Variants in ZNF532 observed in about 807,000 individuals in gnomAD.
The protein encoded by ZNF532 is zinc finger protein 532.
ZNF532 carries 22 observed loss-of-function variants against 89.3 expected under a neutral mutation model. The observed-to-expected ratio is 0.25, with a 90% CI of 0.18 to 0.35. The LOEUF is 0.35. Ranked by LOEUF, ZNF532 falls within the 10% of genes least tolerant of loss-of-function variation. The probability of loss-of-function intolerance (pLI) is 1.00; values close to 1 mark genes in which losing one functional copy is unlikely to be tolerated. For missense variants in ZNF532, 1,132 were observed against 1,643.4 expected, an observed-to-expected ratio of 0.69 and a Z score of 5.38; for synonymous variants, 606 against 649.6, an observed-to-expected ratio of 0.93 and a Z score of 1.02.
intron 5 of ZNF532, 146 bp downstream of exon 5, chr18:58,939,767 C>G (rs1038923199): frequency 1.3e-5 from 8 of 612,998 alleles, no homozygotes; most frequent in South Asian, 6.5e-5. Flanking sequence ...AAATACAGCT[C>G]ATAGCTCATC....
chr18:58,901,251 A>G (rs960099511), intron 2 of ZNF532, among the ~76,000 whole-genome samples: 3 of 151,952 alleles, frequency 2.0e-5, no homozygotes, highest in Non-Finnish European at 4.4e-5. Context: ...CTTGGCTTCT[A>G]GCACTTTTCT....
chr18:58,945,981 G>A (rs1469082885), intron 5 of ZNF532, among the ~76,000 whole-genome samples: 2 of 151,940 alleles, frequency 1.3e-5, no homozygotes, highest in African/African-American at 2.4e-5. Flanking sequence ...CGCCTGCCTC[G>A]GCCTCCCAAA....
At chr18:58,944,979 G>T (rs372380015) in intron 5 of ZNF532, among the ~76,000 whole-genome samples, 1 of 152,088 alleles carries the variant, frequency 6.6e-6, no homozygotes, top group African/African-American at 2.4e-5. Flanking sequence ...AGTAACCTCC[G>T]TGCAGCCCCC....
intron 2 of ZNF532, among the ~76,000 whole-genome samples, chr18:58,913,584 T>G (rs1382200167): frequency 2.6e-5 from 4 of 151,046 alleles, no homozygotes; most frequent in Non-Finnish European, 5.9e-5. Flanking sequence ...GACCCCATCC[T>G]AAAAGAAAGG....
At chr18:58,961,501 G>A (rs139068534) in intron 7 of ZNF532, among the ~76,000 whole-genome samples, 9 of 152,240 alleles carry the variant, frequency 5.9e-5, no homozygotes, top group East Asian at 5.8e-4. Flanking sequence ...TTACACGCTC[G>A]TTATTCTGGA....
At position 58,946,853 on chromosome 18, in the gene ZNF532, C is replaced by CG. The variant is rs552344513; in HGVS notation, c.2706-1210dup. On this transcript the variant is annotated intron_variant, in intron 5 of 9. Coordinates refer to ENST00000591808, the MANE Select transcript of ZNF532 (RefSeq NM_001375912.1). ...AATCCAGTTAAACTTATAAATCTTA[C>CG]GGGGAAAAAGAGAAAAAAGTTACAT... is the stretch of plus-strand genomic sequence containing the variant. Among the ~76,000 whole-genome samples the CG allele has an allele frequency of 2.2e-4, 34 of 151,956 alleles. No individual in the cohort carries two copies. In the South Asian group the frequency reaches 5.2e-3, roughly 23 times the overall value.
intron 4 of ZNF532, among the ~76,000 whole-genome samples, chr18:58,937,064 C>A (rs1218667343): frequency 1.3e-5 from 2 of 152,040 alleles, no homozygotes; most frequent in African/African-American, 4.8e-5. Context: ...TGATAAAAGT[C>A]AAATATTTTT....
At chr18:58,896,330 A>T (rs1429106746) in intron 2 of ZNF532, 1 of 152,108 alleles carries the variant, frequency 6.6e-6, no homozygotes, top group Non-Finnish European at 1.5e-5. Flanking sequence ...CTTCAAAAAA[A>T]GCTCTGAACC....
intron 5 of ZNF532, among the ~76,000 whole-genome samples, chr18:58,941,806 CT>C (rs904772582): frequency 2.3e-4 from 35 of 151,352 alleles, no homozygotes; most frequent in Middle Eastern, 3.4e-3. Flanking sequence ...TTTCTCTTTT[CT>C]TTGTTTCTTT....
intron 9 of ZNF532, among the ~76,000 whole-genome samples, chr18:58,983,097 G>A (rs118044704): frequency 0.03 from 4,496 of 152,238 alleles, 105 homozygotes; most frequent in Non-Finnish European, 0.045. Flanking sequence ...GGGCAATAGC[G>A]CGAGACTCCG....
intron 2 of ZNF532, among the ~76,000 whole-genome samples, chr18:58,891,203 G>A (rs892915589): frequency 6.6e-6 from 1 of 151,998 alleles, no homozygotes; most frequent in Admixed American, 6.5e-5. Flanking sequence ...ACAGGCATGA[G>A]CCACTGCGCC....
intron 9 of ZNF532, among the ~76,000 whole-genome samples, chr18:58,983,060 C>T (rs895871362): frequency 5.9e-5 from 9 of 152,098 alleles, no homozygotes; most frequent in African/African-American, 1.2e-4. Flanking sequence ...TGTAGTGAGC[C>T]GAGATCATGC....
chr18:58,971,877 C>G (rs1343026578), intron 7 of ZNF532, among the ~76,000 whole-genome samples: 1 of 152,202 alleles, frequency 6.6e-6, no homozygotes, highest in Non-Finnish European at 1.5e-5. Context: ...ATTCATGGTT[C>G]ATTTGTGCAA....
chr18:58,934,717 AC>A (rs2062231269), intron 4 of ZNF532, 103 bp downstream of exon 4: 2 of 1,108,440 alleles, frequency 1.8e-6, no homozygotes, highest in Non-Finnish European at 2.6e-6. Flanking sequence ...ATACGGTGAT[AC>A]CTCGATTAAC....
Position 58,877,083 on chromosome 18 carries a change from A to G in ZNF532, c.-18+11504A>G, listed in dbSNP as rs1230352257. 2.6e-5 allele frequency among the ~76,000 whole-genome samples: 4 copies of G among 151,840 alleles called. No individual in the cohort carries two copies. The East Asian group carries it at 7.7e-4, about 29-fold the overall frequency. ...TCGAGAAAAAAAAAAAGCAGAAAAG[A>G]AAAGTGACTGTGTTTGGTTCACGGA... On this transcript the variant is annotated intron_variant, in intron 2 of 9. Coordinates refer to ENST00000591808, the MANE Select transcript of ZNF532 (RefSeq NM_001375912.1).
intron 2 of ZNF532, among the ~76,000 whole-genome samples, chr18:58,876,584 C>A (rs1219177694): frequency 6.6e-6 from 1 of 152,140 alleles, no homozygotes; most frequent in Non-Finnish European, 1.5e-5. Context: ...CTGAATGGAT[C>A]CGGGGTTTAT....
At chr18:58,941,694 C>T (rs1375086117) in intron 5 of ZNF532, among the ~76,000 whole-genome samples, 1 of 151,980 alleles carries the variant, frequency 6.6e-6, no homozygotes, top group Non-Finnish European at 1.5e-5. Flanking sequence ...GTCTTGAATT[C>T]TTGGGCTCAA....
chr18:58,926,068 C>A (rs906689824), intron 3 of ZNF532: 1 of 152,086 alleles, frequency 6.6e-6, no homozygotes, highest in Admixed American at 6.6e-5. Flanking sequence ...TCATCTAGTT[C>A]TTTTGCCTTT....
At position 58,896,617 on chromosome 18, in the gene ZNF532, A is replaced by G. The variant is rs1011396904; in HGVS notation, c.-17-21654A>G. On this transcript the variant is annotated intron_variant, in intron 2 of 9. Coordinates refer to ENST00000591808, the MANE Select transcript of ZNF532 (RefSeq NM_001375912.1). ...CATCCGCCCACTCAGCTATCTGTTT[A>G]TCAAGGTATAACAATACAGCTTTTT... The G allele has an allele frequency of 2.0e-5, 3 of 152,892 alleles. 1 individual carries two copies. Among genetic ancestry groups the G allele is most frequent in the Non-Finnish European group, 4.4e-5 (3 of 68,468 alleles). 9.5% of individuals were successfully genotyped at this position (152,892 alleles called of 1,614,324 possible). A position where few individuals can be genotyped will look rare whatever the true frequency, so the allele number is the denominator to read the frequency against.
Sources: allele counts gnomAD v4.1 joint callset (sites outside exome capture counted in the v4.1 genomes callset), GRCh38; gene constraint gnomAD v4.1.1; transcripts MANE v1.5; gene names NCBI Gene and HGNC (gene_info 2026-07-23, HGNC 2026-07-21).